The following PPP2R2B variants were observed in gnomAD, a reference collection of about 807,000 sequenced individuals.
PPP2R2B encodes serine/threonine-protein phosphatase 2A 55 kDa regulatory subunit B beta isoform.
A neutral mutation model predicts 46.0 loss-of-function variants in PPP2R2B; 5 were observed. The observed-to-expected ratio is 0.11, with a 90% CI of 0.06 to 0.23. PPP2R2B has a LOEUF of 0.23. Among genes scored for constraint, PPP2R2B ranks in the 10% least tolerant of loss-of-function variants. PPP2R2B has a pLI of 1.00. For synonymous variants in PPP2R2B, 215 were observed against 206.7 expected, an observed-to-expected ratio of 1.04 and a Z score of -0.34; for missense variants, 367 against 575.0, an observed-to-expected ratio of 0.64 and a Z score of 3.70.
At chr5:146,985,344 T>C in intron 1 of PPP2R2B, among the ~76,000 whole-genome samples, 1 of 152,306 alleles carries the variant, frequency 6.6e-6, no homozygotes, top group Admixed American at 6.5e-5. Flanking sequence ...TTTCTTCTCA[T>C]CCATAGGTTG....
chr5:146,620,379 G>T (rs1432208506), intron 7 of PPP2R2B, among the ~76,000 whole-genome samples: 1 of 152,124 alleles, frequency 6.6e-6, no homozygotes, highest in Non-Finnish European at 1.5e-5. Flanking sequence ...CTGTCATTCT[G>T]GAAAGATATT....
At chr5:146,748,428 A>G (rs1753328677) in intron 2 of PPP2R2B, among the ~76,000 whole-genome samples, 2 of 152,210 alleles carry the variant, frequency 1.3e-5, no homozygotes, top group African/African-American at 4.8e-5. Context: ...GTGGAGATAC[A>G]GACAATTTCC....
At chr5:147,026,143 A>T (rs368285537) in intron 1 of PPP2R2B, among the ~76,000 whole-genome samples, 65 of 152,266 alleles carry the variant, frequency 4.3e-4, no homozygotes, top group Middle Eastern at 3.4e-3. Flanking sequence ...AGAGGGAAAA[A>T]GGATAGATCT....
At chr5:146,691,064 C>A in intron 5 of PPP2R2B, 64 bp downstream of exon 5, 1 of 1,434,350 alleles carries the variant, frequency 7.0e-7, no homozygotes, top group Non-Finnish European at 9.7e-7. Context: ...TAACAACCAG[C>A]ACATGGCCAA....
chr5:146,633,546 T>C (rs1217661427), intron 7 of PPP2R2B, among the ~76,000 whole-genome samples: 2 of 152,264 alleles, frequency 1.3e-5, no homozygotes, highest in Non-Finnish European at 2.9e-5. Context: ...GTTGGTTCTT[T>C]GAAGGAGTCA....
At chr5:147,016,591 A>G (rs1002094158) in intron 1 of PPP2R2B, among the ~76,000 whole-genome samples, 1 of 151,882 alleles carries the variant, frequency 6.6e-6, no homozygotes. Context: ...TGTGGAATCA[A>G]TATATGTAGT....
chr5:146,742,346 C>CCA (rs1393335786), intron 2 of PPP2R2B, among the ~76,000 whole-genome samples: 6 of 152,126 alleles, frequency 3.9e-5, no homozygotes. Flanking sequence ...GGAGAGACTG[C>CCA]CAACACTCTG....
intron 1 of PPP2R2B, among the ~76,000 whole-genome samples, chr5:146,929,592 G>T (rs1763900177): frequency 6.6e-6 from 1 of 151,890 alleles, no homozygotes; most frequent in South Asian, 2.1e-4. Flanking sequence ...TCAATCATGG[G>T]GTACATTAGC....
chr5:146,615,534 A>G (rs1773087233), intron 7 of PPP2R2B, among the ~76,000 whole-genome samples: 1 of 150,084 alleles, frequency 6.7e-6, no homozygotes, highest in Non-Finnish European at 1.5e-5. Context: ...AAAAAAAGAA[A>G]AAAAAAACTA....
chr5:146,983,015 C>T (rs114999626), intron 1 of PPP2R2B, among the ~76,000 whole-genome samples: 5 of 151,996 alleles, frequency 3.3e-5, no homozygotes, highest in Non-Finnish European at 7.4e-5. Context: ...TGTATGTGGA[C>T]TATTTAGATT....
rs1770152319 is a variant in PPP2R2B, at chr5:146,586,229, G to A, written c.*3718C>T. The A allele has an allele frequency of 6.6e-6, 1 of 152,230 alleles. No homozygotes were observed. The allele number at this position is 152,230 out of a possible 1,614,324, so 9.4% of individuals were successfully genotyped here. A position where few individuals can be genotyped will look rare whatever the true frequency, so the allele number is the denominator to read the frequency against. ...GTCAGGGGATTTGTTTTGGAAGTGG[G>A]GTGGCATTATTAAAAACACACCGGC... is the stretch of plus-strand genomic sequence containing the variant. On this transcript the variant is annotated 3_prime_UTR_variant, in exon 10 of 10. Coordinates refer to ENST00000394411, the MANE Select transcript of PPP2R2B (RefSeq NM_181675.4).
intron 2 of PPP2R2B, among the ~76,000 whole-genome samples, chr5:146,767,077 C>T (rs1754530830): frequency 7.4e-6 from 1 of 135,822 alleles, no homozygotes; most frequent in African/African-American, 2.7e-5. Flanking sequence ...AAAAAAGGCT[C>T]AGCAGAGACA....
At chr5:146,754,343 G>A (rs1753721760) in intron 2 of PPP2R2B, among the ~76,000 whole-genome samples, 1 of 152,134 alleles carries the variant, frequency 6.6e-6, no homozygotes, top group South Asian at 2.1e-4. Flanking sequence ...CTCATCAGGA[G>A]GAGAATGATT....
rs11388336 is a variant in PPP2R2B, at chr5:146,699,661, G to GTTTTT, written c.168+1379_168+1383dup. ...TTTATCATCACTGCGAACTTAATTG[G>GTTTTT]TTTTTTTTTTTTTTTTTTTTTTTAA... is the stretch of plus-strand genomic sequence containing the variant. On this transcript the variant is annotated intron_variant, in intron 3 of 9. Transcript: ENST00000394411. Among the ~76,000 whole-genome samples the GTTTTT allele has an allele frequency of 8.8e-3, 1,043 of 118,022 alleles. 19 individuals carry two copies. Among genetic ancestry groups the GTTTTT allele is most frequent in the African/African-American group, 0.033 (1,000 of 30,598 alleles). 77.4% of individuals were successfully genotyped at this position (118,022 alleles called of 152,430 possible).
chr5:146,679,985 G>T (rs1443516903), intron 5 of PPP2R2B, among the ~76,000 whole-genome samples: 1 of 138,296 alleles, frequency 7.2e-6, no homozygotes, highest in Non-Finnish European at 1.6e-5. Context: ...AAGTCAGTGT[G>T]GCGATTCCTC....
At chr5:147,043,362 T>G (rs1210781695) in intron 1 of PPP2R2B, among the ~76,000 whole-genome samples, 1 of 152,054 alleles carries the variant, frequency 6.6e-6, no homozygotes, top group Non-Finnish European at 1.5e-5. Flanking sequence ...GGGACCTTAA[T>G]CTAGCAGGAC....
At chr5:146,822,535 G>GTTTTTTTTTTT (rs368081191) in intron 2 of PPP2R2B, among the ~76,000 whole-genome samples, 1 of 125,300 alleles carries the variant, frequency 8.0e-6, no homozygotes, top group African/African-American at 2.9e-5. Context: ...TTCATTTTTG[G>GTTTTTTTTTTT]TTTTTTTTTT....
intron 2 of PPP2R2B, among the ~76,000 whole-genome samples, chr5:146,799,195 C>T (rs560403225): frequency 2.0e-5 from 3 of 152,252 alleles, no homozygotes; most frequent in Non-Finnish European, 4.4e-5. Context: ...TGTTTTCTAG[C>T]GATGAACATA....
upstream of PPP2R2B, among the ~76,000 whole-genome samples, chr5:146,883,085 C>T (rs1041529527): frequency 2.0e-5 from 3 of 152,198 alleles, no homozygotes; most frequent in African/African-American, 7.2e-5. Context: ...AACCTTTGAC[C>T]TAAGCCAGTC....
Sources: allele counts gnomAD v4.1 joint callset (sites outside exome capture counted in the v4.1 genomes callset), GRCh38; gene constraint gnomAD v4.1.1; transcripts MANE v1.5; gene names NCBI Gene and HGNC (gene_info 2026-07-23, HGNC 2026-07-21).